The following PRAG1 variants were observed in gnomAD, a reference collection of about 807,000 sequenced individuals.
The protein encoded by PRAG1 is PEAK1 related, kinase-activating pseudokinase 1, also known as inactive tyrosine-protein kinase PRAG1.
In PRAG1, 110 loss-of-function variants were observed where a neutral mutation model predicts 95.6. That is an observed-to-expected ratio of 1.15 (90% CI 0.99 to 1.35). The LOEUF (loss-of-function observed/expected upper bound fraction) is 1.35. Among genes scored for constraint, PRAG1 ranks in the 40% most tolerant of loss-of-function variants. The pLI, the probability that PRAG1 is intolerant of heterozygous loss-of-function variation, is 0.00. For missense variants in PRAG1, 2,554 were observed against 1,864.7 expected (o/e 1.37, Z -6.81); for synonymous variants, 1,052 against 819.4 (o/e 1.28, Z -4.85).
At chr8:8,380,835 A>C (rs1714730756) in intron 2 of PRAG1, among the ~76,000 whole-genome samples, 1 of 141,402 alleles carries the variant, frequency 7.1e-6, no homozygotes, top group Admixed American at 7.5e-5. Flanking sequence ...CCTGGACGAC[A>C]GAGAGAGACT....
chr8:8,332,759 A>G (rs767546900), intron 4 of PRAG1, among the ~76,000 whole-genome samples: 2 of 150,454 alleles, frequency 1.3e-5, no homozygotes, highest in Admixed American at 1.3e-4. Context: ...TCTCCACTAC[A>G]TGGCAAATGG....
intron 4 of PRAG1, among the ~76,000 whole-genome samples, chr8:8,336,233 A>G (rs922390908): frequency 6.6e-6 from 1 of 152,224 alleles, no homozygotes; most frequent in Non-Finnish European, 1.5e-5. Context: ...ACTGAATTTT[A>G]ATGGTATCCT....
intron 4 of PRAG1, among the ~76,000 whole-genome samples, chr8:8,330,864 T>A (rs1015866983): frequency 6.6e-6 from 1 of 152,092 alleles, no homozygotes; most frequent in Non-Finnish European, 1.5e-5. Context: ...TGCCACCTCC[T>A]GGATAAAAAA....
In PRAG1 at chr8:8,321,124, A is replaced by G. The variant is rs1798458015; in HGVS notation, c.3073-1822T>C. On this transcript the variant is annotated intron_variant, in intron 5 of 5. Coordinates refer to ENST00000615670, the MANE Select transcript of PRAG1 (RefSeq NM_001080826.3). ...CTCGGTTTTTATTTTTTACTTTTTG[A>G]GACAGGCTGGAGTGCAGTGGTGCAA... Among the ~76,000 whole-genome samples the G allele has an allele frequency of 2.0e-5, 3 of 152,184 alleles. No homozygotes were observed. In the South Asian group the frequency reaches 6.2e-4, roughly 32 times the overall value.
intron 5 of PRAG1, among the ~76,000 whole-genome samples, chr8:8,322,402 G>A (rs564383501): frequency 8.5e-5 from 13 of 152,128 alleles, no homozygotes; most frequent in Admixed American, 2.6e-4. Context: ...GGCTGGTCTC[G>A]AACTCCTGAC....
At chr8:8,375,179 A>G (rs1800340555) in intron 3 of PRAG1, among the ~76,000 whole-genome samples, 1 of 151,368 alleles carries the variant, frequency 6.6e-6, no homozygotes, top group Admixed American at 6.6e-5. Context: ...TCAGCATGCT[A>G]ACACAAAACT....
intron 3 of PRAG1, among the ~76,000 whole-genome samples, chr8:8,349,789 C>T (rs565906062): frequency 6.6e-6 from 1 of 152,180 alleles, no homozygotes; most frequent in Non-Finnish European, 1.5e-5. Context: ...TGGTGCAGGC[C>T]TGTTAATTTG....
intron 1 of PRAG1, among the ~76,000 whole-genome samples, chr8:8,382,860 G>A (rs758453853): frequency 6.6e-5 from 10 of 152,130 alleles, no homozygotes; most frequent in Non-Finnish European, 1.3e-4. Context: ...CCATAGACAC[G>A]GGAGAGTTTG....
intron 3 of PRAG1, among the ~76,000 whole-genome samples, chr8:8,353,125 A>G (rs538628574): frequency 6.6e-6 from 1 of 152,218 alleles, no homozygotes; most frequent in Admixed American, 6.5e-5. Flanking sequence ...ATAGTAGGAG[A>G]CTTCAACACC....
intron 4 of PRAG1, among the ~76,000 whole-genome samples, chr8:8,335,679 T>A (rs774812328): frequency 6.6e-6 from 1 of 152,284 alleles, no homozygotes; most frequent in South Asian, 2.1e-4. Flanking sequence ...TTTTTAAAAA[T>A]AAATGTTTTT....
At chr8:8,362,533 G>A (rs1400626454) in intron 3 of PRAG1, among the ~76,000 whole-genome samples, 3 of 152,188 alleles carry the variant, frequency 2.0e-5, no homozygotes, top group Non-Finnish European at 4.4e-5. Flanking sequence ...ACTGCAACAA[G>A]GCAGTGGGGC....
chr8:8,381,155 T>A (rs1800629933), intron 2 of PRAG1, among the ~76,000 whole-genome samples: 1 of 152,128 alleles, frequency 6.6e-6, no homozygotes, highest in South Asian at 2.1e-4. Context: ...TAAAAAAGCT[T>A]CATTTTTTGT....
rs556096038 is a variant in PRAG1, at chr8:8,338,804, T to C, written c.2320+674A>G. 8.5e-4 allele frequency among the ~76,000 whole-genome samples: 130 copies of C among 152,274 alleles called. 5 individuals are homozygous for C. The South Asian group carries it at 0.026, about 31-fold the overall frequency. On this transcript the variant is annotated intron_variant, in intron 4 of 5. Coordinates refer to ENST00000615670, the MANE Select transcript of PRAG1 (RefSeq NM_001080826.3). ...TGTGAGTACAAGTCTAAATCCAACA[T>C]GCTAACGCAAGTCTAAGAGAAACGC...
chr8:8,356,738 C>A (rs909253508), intron 3 of PRAG1, among the ~76,000 whole-genome samples: 1 of 152,112 alleles, frequency 6.6e-6, no homozygotes, highest in Non-Finnish European at 1.5e-5. Context: ...CCAAAACAAT[C>A]TAGAAAAAGA....
At chr8:8,339,434 G>T in intron 4 of PRAG1, 44 bp downstream of exon 4, 1 of 1,601,432 alleles carries the variant, frequency 6.2e-7, no homozygotes, top group African/African-American at 1.3e-5. Flanking sequence ...GGTCTTGAAG[G>T]TCCAGGAGAA....
In PRAG1 at chr8:8,339,587, G is replaced by C. The variant is rs755581264; in HGVS notation, c.2211C>G (p.Ser737Arg). 3 of 1,613,912 alleles carry C rather than the reference G, an allele frequency of 1.9e-6. No homozygotes were observed. Among genetic ancestry groups the C allele is most frequent in the African/African-American group, 2.7e-5 (2 of 74,918 alleles). Residue 737 changes from serine to arginine, a missense_variant, in exon 4 of 6, where the codon AGC (serine) becomes AGG (arginine). Physicochemically the swap from Ser to Arg is moderately radical, Grantham distance 110. Transcript: ENST00000615670. ...NKSSSDLEKV[S>R]QGSAESLSPS... ...GGCTGAGGCTTTCTGCAGAGCCCTG[G>C]CTCACTTTTTCCAAATCAGAGCTGC...
rs187763130 is a variant in PRAG1, at chr8:8,385,214, C to T, written c.-88+1107G>A. Among the ~76,000 whole-genome samples, 41 of 152,262 alleles carry T rather than the reference C, an allele frequency of 2.7e-4. No homozygotes were observed. In the East Asian group the frequency reaches 3.9e-3, roughly 14 times the overall value. ...GGAAAGAAATATGTGTGGAAAGTGT[C>T]TGAACTTCAGCACACTCCACTGGCC... On this transcript the variant is annotated intron_variant, in intron 1 of 5. Coordinates refer to ENST00000615670, the MANE Select transcript of PRAG1 (RefSeq NM_001080826.3).
intron 3 of PRAG1, among the ~76,000 whole-genome samples, chr8:8,364,086 A>T (rs1799930684): frequency 6.6e-6 from 1 of 152,178 alleles, no homozygotes; most frequent in South Asian, 2.1e-4. Context: ...GACCTGTGTG[A>T]ATATATACTC....
At chr8:8,368,726 A>T (rs1263182517) in intron 3 of PRAG1, among the ~76,000 whole-genome samples, 2 of 152,150 alleles carry the variant, frequency 1.3e-5, no homozygotes, top group African/African-American at 4.8e-5. Context: ...ACAGAGGGGG[A>T]CTGACCACAC....
Sources: allele counts gnomAD v4.1 joint callset (sites outside exome capture counted in the v4.1 genomes callset), GRCh38; gene constraint gnomAD v4.1.1; transcripts MANE v1.5; gene names NCBI Gene and HGNC (gene_info 2026-07-23, HGNC 2026-07-21).